CCDC40: variants seen among roughly 807,000 people sequenced by gnomAD.
The protein encoded by CCDC40 is coiled-coil domain 40 molecular ruler complex subunit.
Under a neutral mutation model 124.5 loss-of-function variants are expected in CCDC40, and 104 were observed. The ratio of observed to expected loss-of-function variants is 0.84; its 90% CI spans 0.71 to 0.98. CCDC40 has a LOEUF of 0.98. Ranked by LOEUF, CCDC40 falls within the 50% of genes least tolerant of loss-of-function variation. The pLI, the probability that CCDC40 is intolerant of heterozygous loss-of-function variation, is 0.00. For missense variants in CCDC40, 1,463 were observed against 1,503.9 expected (o/e 0.97, Z 0.45); for synonymous variants, 580 against 602.9 (o/e 0.96, Z 0.56).
At chr17:80,049,336 C>T (rs1414381420) in intron 5 of CCDC40, among the ~76,000 whole-genome samples, 5 of 148,340 alleles carry the variant, frequency 3.4e-5, no homozygotes, top group East Asian at 4.1e-4. Context: ...ACCCAAGAGG[C>T]GGAGGTTGCA....
intron 9 of CCDC40, among the ~76,000 whole-genome samples, chr17:80,059,182 C>T (rs111614055): frequency 1.9e-3 from 286 of 152,322 alleles, no homozygotes; most frequent in Non-Finnish European, 3.3e-3. Context: ...CCTATTCCTT[C>T]CCTGGCTAGT....
chr17:80,087,989 T>TGC lies in CCDC40; in HGVS notation c.2620-22_2620-21insGC. On this transcript the variant is annotated intron_variant, in intron 15 of 19. Transcript: ENST00000397545. This position sits in a 1 kb window ranked among gnomAD's most constrained non-coding sequence, Gnocchi z 4.5. ...AATCCCATGGCCCTCCCCACAGCTG[T>TGC]CCCGCCCCCTCCCCCATGCAGGCCT... 6.4e-7 allele frequency: 1 copy of TGC among 1,555,690 alleles called. No homozygotes were observed. The highest frequency in any genetic ancestry group is 8.9e-7 in the Non-Finnish European group (1 of 1,127,178).
At position 80,048,610 on chromosome 17, in the gene CCDC40, A is replaced by G. The variant is rs781355245; in HGVS notation, c.704A>G (p.His235Arg). 3 of 1,613,634 alleles carry G rather than the reference A, an allele frequency of 1.9e-6. No homozygotes were observed. Among genetic ancestry groups the G allele is most frequent in the East Asian group, 4.5e-5 (2 of 44,864 alleles). Residue 235 changes from histidine (H) to arginine (R), a missense_variant, in exon 5 of 20, where the codon CAC (histidine) becomes CGC (arginine). Coordinates refer to ENST00000397545, the MANE Select transcript of CCDC40 (RefSeq NM_017950.4). ...PVIPPGVPDA[H>R]PREGDLPVFQ... ...ATCCCCCCAGGGGTGCCCGATGCCC[A>G]CCCCAGGGAAGGAGACCTGCCAGTG...
intron 4 of CCDC40, 77 bp downstream of exon 4, chr17:80,047,479 C>A: frequency 1.4e-6 from 2 of 1,476,322 alleles, no homozygotes; most frequent in Non-Finnish European, 1.9e-6. Flanking sequence ...AGGGATGCCA[C>A]TCGTTTGTCA....
intron 7 of CCDC40, among the ~76,000 whole-genome samples, chr17:80,052,446 T>A (rs2037626159): frequency 6.6e-6 from 1 of 152,174 alleles, no homozygotes; most frequent in South Asian, 2.1e-4. Flanking sequence ...CCACCCAGAT[T>A]GGGGGTGGGT....
At chr17:80,036,777 C>A in intron 1 of CCDC40, 86 bp downstream of exon 1, 1 of 1,297,126 alleles carries the variant, frequency 7.7e-7, no homozygotes, top group South Asian at 1.5e-5. Context: ...GCGTCGGCTC[C>A]TGCCTCGCCC....
intron 10 of CCDC40, among the ~76,000 whole-genome samples, chr17:80,068,223 G>A (rs1448859488): frequency 1.3e-5 from 2 of 152,050 alleles, no homozygotes; most frequent in Admixed American, 6.5e-5. Context: ...TAGTAGAGAC[G>A]GGGTTTCACC....
At chr17:80,042,975 T>C (rs1297136913) in intron 3 of CCDC40, among the ~76,000 whole-genome samples, 1 of 152,162 alleles carries the variant, frequency 6.6e-6, no homozygotes, top group East Asian at 1.9e-4. Context: ...ATTACATTGA[T>C]TGATTTTCAG....
intron 3 of CCDC40, among the ~76,000 whole-genome samples, chr17:80,044,714 A>ATAT (rs1234367819): frequency 2.5e-4 from 19 of 76,780 alleles, no homozygotes; most frequent in East Asian, 1.6e-3. Context: ...AACAAAAAAA[A>ATAT]AAATATATAT....
rs766278175 is a variant in CCDC40 at position 80,081,798 on chromosome 17, G to A, written c.1806+9G>A. On this transcript the variant is annotated intron_variant, in intron 11 of 19. Coordinates refer to ENST00000397545, the MANE Select transcript of CCDC40 (RefSeq NM_017950.4). The stretch of plus-strand genomic sequence containing the variant: ...TCAGCCAGGACCAGCTGGTGAGGCC[G>A]GGCCCGCCCCACAGGTCACACCTGG... 2.2e-5 allele frequency: 36 copies of A among 1,613,770 alleles called. No individual in the cohort carries two copies. Among genetic ancestry groups the A allele is most frequent in the Middle Eastern group, 3.3e-4 (2 of 6,040 alleles).
At chr17:80,075,003 G>A (rs2038278224) in intron 10 of CCDC40, among the ~76,000 whole-genome samples, 1 of 151,584 alleles carries the variant, frequency 6.6e-6, no homozygotes, top group African/African-American at 2.4e-5. Flanking sequence ...GCTCACTGCA[G>A]CCTCTGCCTC....
At chr17:80,092,626 T>A (rs1394054828) in intron 17 of CCDC40, among the ~76,000 whole-genome samples, 2 of 152,146 alleles carry the variant, frequency 1.3e-5, no homozygotes, top group Non-Finnish European at 2.9e-5. Context: ...TTCTCTTTTT[T>A]TAGAGACAGG....
rs2037235332 is a variant in CCDC40, at chr17:80,040,079, C to G, written c.361C>G (p.Gln121Glu). 1.2e-6 allele frequency: 2 copies of G among 1,614,052 alleles called. No homozygotes were observed. Among genetic ancestry groups the G allele is most frequent in the Admixed American group, 3.3e-5 (2 of 60,004 alleles). The change falls in exon 3 of 20, where the codon CAG becomes GAG. Residue 121 changes from glutamine (Q) to glutamate (E), a missense_variant. Transcript: ENST00000397545. ...GACTTACCCGTATTTCAGTCCTCCT[C>G]AGGAACTGCCTGGAGAGGAGGCATA... The part of the protein sequence containing the change: ...DTTYPYFSPP[Q>E]ELPGEEAYDS...
intron 7 of CCDC40, among the ~76,000 whole-genome samples, chr17:80,051,628 C>CAAAAAAAAAA (rs200887220): frequency 9.6e-5 from 9 of 94,146 alleles, no homozygotes; most frequent in African/African-American, 3.6e-4. Context: ...GACTCCGTCT[C>CAAAAAAAAAA]AAAAAAAAAA....
At position 80,087,504 on chromosome 17, in the gene CCDC40, C is replaced by T; in HGVS notation, c.2450-103C>T. On this transcript the variant is annotated intron_variant, in intron 14 of 19. Transcript: ENST00000397545. The surrounding 1 kb of genome is among the most constrained non-coding windows in gnomAD (Gnocchi z 4.5). ...AAGAGGGAGGGGATGAAGGGAGCTA[C>T]AGGGAGAGACAAAACCTGGCTCACC... The T allele has an allele frequency of 2.4e-6, 2 of 848,794 alleles. No homozygotes were observed. Among genetic ancestry groups the T allele is most frequent in the Non-Finnish European group, 4.0e-6 (2 of 503,642 alleles). The allele number at this position is 848,794 out of a possible 1,614,324, so 52.6% of individuals were successfully genotyped here.
Position 80,087,763 on chromosome 17 carries a change from T to C in CCDC40, c.2606T>C (p.Val869Ala). 1 of 1,614,076 alleles carries C rather than the reference T, an allele frequency of 6.2e-7. No homozygotes were observed. Among genetic ancestry groups the C allele is most frequent in the South Asian group, 1.1e-5 (1 of 91,076 alleles). The change falls in exon 15 of 20, where the codon GTG (valine) becomes GCG (alanine). Residue 869 changes from valine to alanine, a missense_variant. Val to Ala is a moderately conservative substitution (Grantham distance 64). Coordinates refer to ENST00000397545, the MANE Select transcript of CCDC40 (RefSeq NM_017950.4). This position sits in a 1 kb window ranked among gnomAD's most constrained non-coding sequence, Gnocchi z 4.5. ...QNNRVTENEF[V>A]RSLKASERET... ...AACCGGGTGACAGAGAATGAGTTCG[T>C]GCGCTCGCTGAAGGTCCGGCCGTGT...
intron 10 of CCDC40, among the ~76,000 whole-genome samples, chr17:80,073,410 T>C (rs2143710486): frequency 6.6e-6 from 1 of 152,340 alleles, no homozygotes; most frequent in South Asian, 2.1e-4. Flanking sequence ...TCATAATATT[T>C]CAAACTTTTT....
intron 10 of CCDC40, among the ~76,000 whole-genome samples, chr17:80,079,918 C>CT (rs1305641156): frequency 6.7e-6 from 1 of 150,226 alleles, no homozygotes; most frequent in Non-Finnish European, 1.5e-5. Flanking sequence ...GAGCGAGACT[C>CT]TGTCTCAAAA....
At position 80,058,439 on chromosome 17, in the gene CCDC40, T is replaced by C; in HGVS notation, c.1160-55T>C. 1 of 1,570,594 alleles carries C rather than the reference T, an allele frequency of 6.4e-7. No homozygotes were observed. Among genetic ancestry groups the C allele is most frequent in the Admixed American group, 1.7e-5 (1 of 59,974 alleles). ...TCCTGGGTCTCTGCATGGGGGACGC[T>C]GGGACAGCCTCCCCACTCACTCTCT... On this transcript the variant is annotated intron_variant, in intron 7 of 19. Transcript: ENST00000397545. The surrounding 1 kb of genome is among the most constrained non-coding windows in gnomAD (Gnocchi z 4.2).
Sources: gnomAD v4.1 joint callset for allele counts (sites outside exome capture counted in the v4.1 genomes callset) on GRCh38, gnomAD v4.1.1 for gene constraint, Gnocchi (gnomAD v3.1) non-coding constraint, MANE v1.5 for transcripts, NCBI Gene and HGNC (gene_info 2026-07-23, HGNC 2026-07-21) for gene names.